MTCL2: variants seen among roughly 807,000 people sequenced by gnomAD.
The protein encoded by MTCL2 is microtubule cross-linking factor 2.
chr20:36,862,972 C>A, the MTCL2 span: 1 of 1,409,454 alleles, frequency 7.1e-7, no homozygotes, highest in Non-Finnish European at 9.3e-7. Flanking sequence ...GACGCGCAGT[C>A]CGACACCTCC....
At chr20:36,793,773 G>A in the MTCL2 span, 25 of 1,541,110 alleles carry the variant, frequency 1.6e-5, no homozygotes, top group Non-Finnish European at 7.8e-6. The surrounding 1 kb of genome is among the most constrained non-coding windows in gnomAD (Gnocchi z 6.8). Flanking sequence ...CCATACTTGG[G>A]GGAGCAGCAG....
the MTCL2 span, among the ~76,000 whole-genome samples, chr20:36,841,629 C>G: frequency 6.6e-6 from 1 of 152,124 alleles, no homozygotes; most frequent in Non-Finnish European, 1.5e-5. Context: ...TAATTTGAGG[C>G]TGAGGAAACT....
chr20:36,841,432 T>C, the MTCL2 span, among the ~76,000 whole-genome samples: 1 of 150,694 alleles, frequency 6.6e-6, no homozygotes. Context: ...GGGTGCTATG[T>C]TAGGGGACAT....
At chr20:36,860,522 C>T in the MTCL2 span, among the ~76,000 whole-genome samples, 1 of 152,134 alleles carries the variant, frequency 6.6e-6, no homozygotes, top group Admixed American at 6.5e-5. Context: ...AGAAAGAGCC[C>T]AGCCTGCCTT....
At chr20:36,833,925 G>A in the MTCL2 span, among the ~76,000 whole-genome samples, 1 of 152,192 alleles carries the variant, frequency 6.6e-6, no homozygotes, top group Non-Finnish European at 1.5e-5. Flanking sequence ...CCCTTTGGGA[G>A]GCCGAGGCCG....
the MTCL2 span, among the ~76,000 whole-genome samples, chr20:36,814,658 G>A: frequency 6.6e-6 from 1 of 152,066 alleles, no homozygotes; most frequent in Non-Finnish European, 1.5e-5. Flanking sequence ...AGACAAAGGC[G>A]GTCGGATCAC....
the MTCL2 span, chr20:36,859,957 T>C: frequency 8.2e-7 from 1 of 1,225,316 alleles, no homozygotes; most frequent in African/African-American, 1.6e-5. Flanking sequence ...TTTTCCCATC[T>C]GTGGAATAAA....
At chr20:36,811,213 C>G in the MTCL2 span, among the ~76,000 whole-genome samples, 27 of 152,176 alleles carry the variant, frequency 1.8e-4, no homozygotes, top group African/African-American at 4.1e-4. Flanking sequence ...CTGGTTTCCT[C>G]CCTGAACTCA....
At chr20:36,854,892 C>A in the MTCL2 span, among the ~76,000 whole-genome samples, 1 of 151,960 alleles carries the variant, frequency 6.6e-6, no homozygotes, top group Non-Finnish European at 1.5e-5. Context: ...CTAGCCTGGG[C>A]CATTCAGGGA....
chr20:36,835,373 C>A, the MTCL2 span, among the ~76,000 whole-genome samples: 1 of 152,058 alleles, frequency 6.6e-6, no homozygotes, highest in Non-Finnish European at 1.5e-5. Flanking sequence ...CAATACCCCT[C>A]TGCTCCATAA....
chr20:36,820,380 A>G, the MTCL2 span, among the ~76,000 whole-genome samples: 9 of 152,210 alleles, frequency 5.9e-5, no homozygotes, highest in Non-Finnish European at 1.2e-4. Context: ...TCAAAGTACT[A>G]AGGGATCATG....
chr20:36,779,319 CAA>C, the MTCL2 span: 2 of 152,462 alleles, frequency 1.3e-5, no homozygotes, highest in African/African-American at 4.8e-5. Flanking sequence ...ACTGAATGGA[CAA>C]AGAGATGGAT....
the MTCL2 span, among the ~76,000 whole-genome samples, chr20:36,853,702 G>GGTGTGT: frequency 8.4e-4 from 121 of 143,934 alleles, no homozygotes; most frequent in Middle Eastern, 3.5e-3. Flanking sequence ...ATCAGGGAGG[G>GGTGTGT]GTGTGTGTGT....
At chr20:36,792,853 T>TAGATAGAC in the MTCL2 span, among the ~76,000 whole-genome samples, 4 of 141,068 alleles carry the variant, frequency 2.8e-5, no homozygotes, top group East Asian at 1.9e-4. Flanking sequence ...GATAGATAGA[T>TAGATAGAC]AGATAGACAG....
chr20:36,841,874 G>GGGGTGT, the MTCL2 span, among the ~76,000 whole-genome samples: 2,010 of 110,832 alleles, frequency 0.018, 67 homozygotes, highest in African/African-American at 0.056. Context: ...TGGGGGGTGG[G>GGGGTGT]GTGTGTGTGT....
At chr20:36,826,893 T>C in the MTCL2 span, among the ~76,000 whole-genome samples, 3 of 152,188 alleles carry the variant, frequency 2.0e-5, no homozygotes, top group African/African-American at 4.8e-5. Context: ...ATATGATTGT[T>C]CTATGTTTAA....
chr20:36,862,896 C>T, the MTCL2 span: 1 of 1,249,130 alleles, frequency 8.0e-7, no homozygotes, highest in South Asian at 2.4e-5. Context: ...CCCCGCCGGG[C>T]CCCCGGCCGC....
chr20:36,860,139 C>T, the MTCL2 span, among the ~76,000 whole-genome samples: 2 of 152,134 alleles, frequency 1.3e-5, no homozygotes, highest in African/African-American at 2.4e-5. Flanking sequence ...TTGCTCTCCT[C>T]TCTTACCCAC....
chr20:36,832,332 TCTCCACCATGTC>T, the MTCL2 span, among the ~76,000 whole-genome samples: 1 of 152,120 alleles, frequency 6.6e-6, no homozygotes, highest in African/African-American at 2.4e-5. Flanking sequence ...GGATGCCCCA[TCTCCACCATGTC>T]CTCCACCTGG....
Sources: gnomAD v4.1 joint callset for allele counts (sites outside exome capture counted in the v4.1 genomes callset) on GRCh38, gnomAD v4.1.1 for gene constraint, Gnocchi (gnomAD v3.1) non-coding constraint, MANE v1.5 for transcripts, NCBI Gene and HGNC (gene_info 2026-07-23, HGNC 2026-07-21) for gene names.